The following TRAPPC9 variants were observed in gnomAD, a reference collection of about 807,000 sequenced individuals.
The protein encoded by TRAPPC9 is IKK2 binding protein.
In TRAPPC9, 83 loss-of-function variants were observed where a neutral mutation model predicts 124.0. That is an observed-to-expected ratio of 0.67 (90% confidence interval 0.56 to 0.80). The LOEUF (loss-of-function observed/expected upper bound fraction) is 0.80. Among genes scored for constraint, TRAPPC9 ranks in the 30% least tolerant of loss-of-function variants. The probability of loss-of-function intolerance (pLI) is 0.00; values close to 1 mark genes in which losing one functional copy is unlikely to be tolerated. For missense variants in TRAPPC9, 1,302 were observed against 1,508.3 expected (o/e 0.86, Z 2.27); for synonymous variants, 638 against 617.5 (o/e 1.03, Z -0.49).
At chr8:140,251,613 C>T (rs1273138858) in intron 16 of TRAPPC9, among the ~76,000 whole-genome samples, 1 of 152,214 alleles carries the variant, frequency 6.6e-6, no homozygotes, top group Non-Finnish European at 1.5e-5. Flanking sequence ...GAGCTGCGTC[C>T]CCCTTCCCCA....
intron 21 of TRAPPC9, among the ~76,000 whole-genome samples, chr8:139,739,781 C>T (rs1818437649): frequency 6.6e-6 from 1 of 152,250 alleles, no homozygotes; most frequent in Admixed American, 6.5e-5. Context: ...TACCCGTGTT[C>T]CTCCTCGTCA....
intron 19 of TRAPPC9, among the ~76,000 whole-genome samples, chr8:139,916,821 G>T (rs1587203374): frequency 1.3e-5 from 2 of 152,254 alleles, no homozygotes; most frequent in East Asian, 3.8e-4. Flanking sequence ...AAATCAAGGA[G>T]TCGGATCTCA....
intron 11 of TRAPPC9, among the ~76,000 whole-genome samples, chr8:140,294,116 G>A (rs2065739458): frequency 1.3e-5 from 2 of 152,074 alleles, no homozygotes; most frequent in African/African-American, 4.8e-5. Context: ...TCGAACTCCA[G>A]TCTGTCTCCA....
intron 5 of TRAPPC9, among the ~76,000 whole-genome samples, chr8:140,419,602 G>C (rs536831239): frequency 6.6e-6 from 1 of 151,590 alleles, no homozygotes; most frequent in South Asian, 2.1e-4. Flanking sequence ...TAGAAAGGAA[G>C]AGGCCGGGTG....
intron 19 of TRAPPC9, among the ~76,000 whole-genome samples, chr8:139,965,937 C>T (rs547076933): frequency 2.0e-5 from 3 of 152,216 alleles, no homozygotes; most frequent in African/African-American, 4.8e-5. Context: ...GCACAGCCTG[C>T]GCCACAAGGC....
chr8:140,239,877 T>TA (rs1263504382), intron 16 of TRAPPC9, among the ~76,000 whole-genome samples: 2 of 152,354 alleles, frequency 1.3e-5, no homozygotes, highest in East Asian at 3.9e-4. Flanking sequence ...CACTGTTCTT[T>TA]AAAAAATAAG....
intron 18 of TRAPPC9, among the ~76,000 whole-genome samples, chr8:139,993,479 A>G (rs1934182382): frequency 6.6e-6 from 1 of 152,252 alleles, no homozygotes; most frequent in Non-Finnish European, 1.5e-5. Flanking sequence ...AGGGATACAA[A>G]TTGGTACAAC....
At chr8:140,368,873 C>A (rs2068198815) in intron 8 of TRAPPC9, among the ~76,000 whole-genome samples, 1 of 152,096 alleles carries the variant, frequency 6.6e-6, no homozygotes, top group South Asian at 2.1e-4. Flanking sequence ...CACAGCGAGA[C>A]CTCATCTCTA....
At chr8:139,811,987 G>A (rs1310267467) in intron 21 of TRAPPC9, among the ~76,000 whole-genome samples, 2 of 152,198 alleles carry the variant, frequency 1.3e-5, no homozygotes, top group Non-Finnish European at 2.9e-5. Context: ...TGGGGACAGT[G>A]GGAGGAATGT....
rs1160499587 is a variant in TRAPPC9, at chr8:139,988,726, C to G, written c.2810G>C (p.Arg937Pro). The change falls in exon 19 of 23, where the codon CGA (arginine) becomes CCA (proline). Residue 937 changes from arginine to proline, a missense_variant and splice_region_variant. Physicochemically the swap from Arg to Pro is moderately radical, Grantham distance 103. This residue lies in a region of TRAPPC9 where 640 missense variants were observed against 679.3 expected (regional missense o/e 0.94). Coordinates refer to ENST00000438773, the MANE Select transcript of TRAPPC9 (RefSeq NM_001160372.4). The stretch of plus-strand genomic sequence containing the variant: ...GCGCGAGGGTCTATGGGACACTTAC[C>G]GCTGGCACTCACCGGCGTGCAGGAT... ...ALILHAGECQ[R>P]MAIQVDKFNF... 1.3e-6 allele frequency: 2 copies of G among 1,548,036 alleles called. No individual in the cohort carries two copies. The highest frequency in any genetic ancestry group is 2.7e-5 in the African/African-American group (2 of 73,064).
chr8:139,897,027 C>A (rs556702403), intron 20 of TRAPPC9, among the ~76,000 whole-genome samples: 18 of 152,216 alleles, frequency 1.2e-4, no homozygotes, highest in Admixed American at 3.9e-4. Flanking sequence ...GTCCCCTAAC[C>A]CATGCCCACT....
chr8:139,833,138 G>A (rs1299189215), intron 21 of TRAPPC9, among the ~76,000 whole-genome samples: 1 of 152,148 alleles, frequency 6.6e-6, no homozygotes, highest in Non-Finnish European at 1.5e-5. Flanking sequence ...ACAAGGACCT[G>A]AATTCTGCCA....
intron 15 of TRAPPC9, among the ~76,000 whole-genome samples, chr8:140,271,988 GTGGTGGTGGTAGTGATGGTGGTGA>G (rs2064902132): frequency 7.3e-6 from 1 of 136,968 alleles, no homozygotes; most frequent in African/African-American, 2.9e-5. Flanking sequence ...AATGGTGGTG[GTGGTGGTGGTAGTGATGGTGGTGA>G]CGGGTGATGG....
In TRAPPC9 at chr8:140,410,141, CAAA is replaced by C. The variant is rs61149910; in HGVS notation, c.887-4446_887-4444del. ...GGGTGAGGGCATGAGACCTTGTCTC[CAAA>C]AAAAAAAAAAAAAAAAAAAAAAAAA... On this transcript the variant is annotated intron_variant, in intron 5 of 22. Transcript: ENST00000438773. Among the ~76,000 whole-genome samples, 15 of 70,224 alleles carry C rather than the reference CAAA, an allele frequency of 2.1e-4. No homozygotes were observed. In the South Asian group the frequency reaches 7.7e-3, roughly 36 times the overall value. The allele number at this position is 70,224 out of a possible 152,430, so 46.1% of individuals were successfully genotyped here. A position where few individuals can be genotyped will look rare whatever the true frequency, so the allele number is the denominator to read the frequency against.
chr8:140,163,713 T>C (rs560285348), intron 17 of TRAPPC9, among the ~76,000 whole-genome samples: 1 of 152,232 alleles, frequency 6.6e-6, no homozygotes, highest in Non-Finnish European at 1.5e-5. Context: ...TTGTAGCCTT[T>C]GTTTCAATAA....
At chr8:139,938,897 G>A (rs896897928) in intron 19 of TRAPPC9, among the ~76,000 whole-genome samples, 2 of 151,702 alleles carry the variant, frequency 1.3e-5, no homozygotes, top group African/African-American at 2.4e-5. Context: ...CACCCGCCTC[G>A]GCCTCCCAAA....
At chr8:140,418,635 C>T (rs2070030448) in intron 5 of TRAPPC9, among the ~76,000 whole-genome samples, 1 of 151,966 alleles carries the variant, frequency 6.6e-6, no homozygotes, top group South Asian at 2.1e-4. Flanking sequence ...GCAGTAGAAT[C>T]GCTTGAACCT....
At chr8:140,096,828 C>A (rs775308348) in intron 17 of TRAPPC9, 2 of 152,208 alleles carry the variant, frequency 1.3e-5, no homozygotes, top group Non-Finnish European at 2.9e-5. Flanking sequence ...GTGCAGGAGA[C>A]CACCGTGAGG....
At chr8:139,986,005 G>C (rs1323885299) in intron 19 of TRAPPC9, among the ~76,000 whole-genome samples, 6 of 152,194 alleles carry the variant, frequency 3.9e-5, no homozygotes, top group Non-Finnish European at 7.3e-5. Context: ...AGCACTTTGG[G>C]AGGCCGAGGC....
Sources: gnomAD v4.1 joint callset for allele counts (sites outside exome capture counted in the v4.1 genomes callset) on GRCh38, gnomAD v4.1.1 for gene constraint, gnomAD v4.1.1 regional missense constraint, MANE v1.5 for transcripts, NCBI Gene and HGNC (gene_info 2026-07-23, HGNC 2026-07-21) for gene names.